KNL1: variants seen among roughly 807,000 people sequenced by gnomAD.
KNL1 encodes the protein kinetochore scaffold 1, also known as outer kinetochore KNL1 complex subunit KNL1.
KNL1 carries 66 observed loss-of-function variants against 201.3 expected under a neutral mutation model. That is an observed-to-expected ratio of 0.33 (90% CI 0.27 to 0.40). KNL1 has a LOEUF of 0.40. Ranked by LOEUF, KNL1 falls within the 10% of genes least tolerant of loss-of-function variation. The pLI is 1.00. For synonymous variants in KNL1, 895 were observed against 899.2 expected, an observed-to-expected ratio of 1.00 and a Z score of 0.08; for missense variants, 2,815 against 2,690.5, an observed-to-expected ratio of 1.05 and a Z score of -1.02.
intron 17 of KNL1, 68 bp from the exon 18 acceptor site, chr15:40,650,233 T>C: frequency 9.9e-7 from 1 of 1,008,574 alleles, no homozygotes; most frequent in East Asian, 2.5e-5. Flanking sequence ...TATTCTTTTT[T>C]TCCTTACTTT....
At chr15:40,645,236 C>T in intron 15 of KNL1, 149 bp downstream of exon 15, 2 of 525,724 alleles carry the variant, frequency 3.8e-6, no homozygotes, top group Non-Finnish European at 3.4e-6. Context: ...TATTTAATTA[C>T]ACACAATTGT....
In KNL1 at chr15:40,659,411, T is replaced by C. The variant is rs570018985; in HGVS notation, c.6786T>C (p.Tyr2262=). The change falls in exon 25 of 26, where the codon TAT becomes TAC. Residue 2262 remains tyrosine, a synonymous_variant. Transcript: ENST00000399668. ...TAACTTTGTTTCTCTCAGCCTATTA[T>C]CCATCTGTACCATTACCTTCCACCA... ...FEITLFLSAY[Y]PSVPLPSTIQ... is the part of the protein sequence containing the mutation. The C allele has an allele frequency of 1.2e-6, 2 of 1,613,848 alleles. No individual in the cohort carries two copies. The highest frequency in any genetic ancestry group is 3.3e-5 in the Admixed American group (2 of 60,024).
At chr15:40,599,420 G>A (rs949213304) in intron 1 of KNL1, among the ~76,000 whole-genome samples, 2 of 149,224 alleles carry the variant, frequency 1.3e-5, no homozygotes, top group East Asian at 2.0e-4. Flanking sequence ...GTCTTTCTCT[G>A]TTGCCCAGGC....
At chr15:40,659,624 C>T (rs1387343334) in intron 25 of KNL1, among the ~76,000 whole-genome samples, 163 bp downstream of exon 25, 1 of 151,738 alleles carries the variant, frequency 6.6e-6, no homozygotes, top group East Asian at 2.0e-4. Flanking sequence ...TCCTGAGTAG[C>T]TGGGACTACA....
chr15:40,622,196 G>T lies in KNL1; in HGVS notation c.1932G>T (p.Trp644Cys). ...ACACCTGGAACAAAGACAAAGATTG[G>T]GTTTTGAAGATTTTGCCCTACCTTG... is the stretch of plus-strand genomic sequence containing the variant. ...LTDTWNKDKDWVLKILPYLDK... is the reference protein window; with the variant it reads ...LTDTWNKDKDCVLKILPYLDK... Residue 644 changes from tryptophan to cysteine, a missense_variant, in exon 10 of 26, where the codon TGG becomes TGT. By Grantham distance (215) the Trp-to-Cys change is radical. Transcript: ENST00000399668. 6.2e-7 allele frequency: 1 copy of T among 1,614,070 alleles called. No homozygotes were observed. The highest frequency in any genetic ancestry group is 8.5e-7 in the Non-Finnish European group (1 of 1,179,968).
At chr15:40,626,309 C>T (rs1892751189) in intron 10 of KNL1, among the ~76,000 whole-genome samples, 1 of 151,116 alleles carries the variant, frequency 6.6e-6, no homozygotes, top group South Asian at 2.1e-4. Flanking sequence ...CCTGGCACCA[C>T]ACCCGGCTAA....
At chr15:40,607,606 T>A (rs1374669100) in intron 4 of KNL1, among the ~76,000 whole-genome samples, 1 of 152,216 alleles carries the variant, frequency 6.6e-6, no homozygotes, top group African/African-American at 2.4e-5. Context: ...TAATGTCTTT[T>A]AGTTTTTGTG....
At chr15:40,603,882 T>G (rs1891889827) in intron 2 of KNL1, among the ~76,000 whole-genome samples, 1 of 152,184 alleles carries the variant, frequency 6.6e-6, no homozygotes, top group Non-Finnish European at 1.5e-5. Flanking sequence ...ATGCAGACAT[T>G]TTTAGAATGA....
intron 14 of KNL1, among the ~76,000 whole-genome samples, chr15:40,642,365 C>T (rs1289179284): frequency 6.6e-6 from 1 of 151,068 alleles, no homozygotes; most frequent in Non-Finnish European, 1.5e-5. Context: ...CACCACTGCA[C>T]TCCAGCAGCT....
Position 40,622,008 on chromosome 15 carries a change from T to C in KNL1, c.1744T>C (p.Leu582=), listed in dbSNP as rs749622699. ...MDLTESHTSN[L]GSQVPLAAYN... ...TTTGACTGAAAGTCACACAAGTAAC[T>C]TAGGAAGTCAGGTTCCTCTTGCAGC... Residue 582 remains leucine, a synonymous_variant, in exon 10 of 26, where the codon TTA becomes CTA. Transcript: ENST00000399668. The C allele has an allele frequency of 2.5e-6, 4 of 1,613,952 alleles. No individual in the cohort carries two copies. The highest frequency in any genetic ancestry group is 3.4e-6 in the Non-Finnish European group (4 of 1,179,978).
At chr15:40,644,608 A>G (rs1035224711) in intron 14 of KNL1, among the ~76,000 whole-genome samples, 1 of 152,242 alleles carries the variant, frequency 6.6e-6, no homozygotes, top group Non-Finnish European at 1.5e-5. Context: ...ACCTTGGACA[A>G]TACCCCGCTT....
intron 1 of KNL1, among the ~76,000 whole-genome samples, chr15:40,594,737 C>T (rs1290163478): frequency 6.6e-6 from 1 of 152,182 alleles, no homozygotes; most frequent in Non-Finnish European, 1.5e-5. Flanking sequence ...TCTTGCACCC[C>T]TGCCGCTCTT....
intron 21 of KNL1, 54 bp from the exon 22 acceptor site, chr15:40,654,855 T>C (rs2141763444): frequency 7.5e-7 from 1 of 1,334,474 alleles, no homozygotes; most frequent in African/African-American, 1.4e-5. Flanking sequence ...GGAGACAAAG[T>C]GAGACTCTCT....
rs752615002 is a variant in KNL1 at position 40,650,569 on chromosome 15, AGAG to A, written c.6202_6204del (p.Glu2068del). On this transcript the variant is annotated inframe_deletion, in exon 19 of 26. Transcript: ENST00000399668. ...AATTGGAACAGCTGAAAACTGAAGA[AGAG>A]GAGCTTCAAAGGTCAGCCTTCAATC... 5 of 1,562,698 alleles carry A rather than the reference AGAG, an allele frequency of 3.2e-6. No homozygotes were observed. In the African/African-American group the frequency reaches 7.0e-5, roughly 22 times the overall value.
At chr15:40,641,840 A>G (rs913697987) in intron 14 of KNL1, among the ~76,000 whole-genome samples, 4 of 152,358 alleles carry the variant, frequency 2.6e-5, no homozygotes, top group Middle Eastern at 3.4e-3. Flanking sequence ...GCTTGTTTAC[A>G]TATATAAAAG....
chr15:40,637,137 A>G (rs769578232), intron 13 of KNL1, among the ~76,000 whole-genome samples: 4 of 149,582 alleles, frequency 2.7e-5, no homozygotes, highest in Non-Finnish European at 4.4e-5. Context: ...CTTATAATCT[A>G]TAAGGTCCTT....
intron 22 of KNL1, among the ~76,000 whole-genome samples, chr15:40,655,788 C>T (rs537045834): frequency 4.7e-5 from 7 of 147,748 alleles, no homozygotes; most frequent in East Asian, 2.1e-4. Flanking sequence ...TGGTGGCTGG[C>T]GCCTGTAGTC....
At chr15:40,612,580 G>A (rs551234634) in intron 7 of KNL1, among the ~76,000 whole-genome samples, 2 of 151,788 alleles carry the variant, frequency 1.3e-5, no homozygotes, top group East Asian at 2.0e-4. Context: ...GCAATGGTAC[G>A]ATCTTGGCTC....
chr15:40,629,331 T>C lies in KNL1; in HGVS notation c.5642T>C (p.Ile1881Thr), dbSNP rs778816125. 7 of 1,605,998 alleles carry C rather than the reference T, an allele frequency of 4.4e-6. No homozygotes were observed. Among genetic ancestry groups the C allele is most frequent in the Middle Eastern group, 1.6e-4 (1 of 6,074 alleles). ...REFFILLQVH[I>T]LIQKPRQSNL... Reference sequence around the variant, plus strand: ...TTCTTTATACTTCTCCAGGTCCACATCTTGATACAGAAACCCCGACAGAGC... The same window carrying C: ...TTCTTTATACTTCTCCAGGTCCACACCTTGATACAGAAACCCCGACAGAGC... The change falls in exon 13 of 26, where the codon ATC becomes ACC. Residue 1881 changes from isoleucine to threonine, a missense_variant. This residue lies in a region of KNL1 where 2,464 missense variants were observed against 2,291.7 expected (regional missense o/e 1.08). Coordinates refer to ENST00000399668, the MANE Select transcript of KNL1 (RefSeq NM_144508.5).
Sources: allele counts gnomAD v4.1 joint callset (sites outside exome capture counted in the v4.1 genomes callset), GRCh38; gene constraint gnomAD v4.1.1; regional missense constraint gnomAD v4.1.1; transcripts MANE v1.5; gene names NCBI Gene and HGNC (gene_info 2026-07-23, HGNC 2026-07-21).